DPP6: variants seen among roughly 807,000 people sequenced by gnomAD.
DPP6 encodes dipeptidyl peptidase like 6, also known as A-type potassium channel modulatory protein DPP6.
A neutral mutation model predicts 122.6 loss-of-function variants in DPP6; 69 were observed. That is an observed-to-expected ratio of 0.56 (90% CI 0.46 to 0.69). DPP6 has a LOEUF of 0.69. DPP6 is among the 30% of genes least tolerant of loss of function. DPP6 has a pLI of 0.00. For missense variants in DPP6, 928 were observed against 1,116.9 expected, an observed-to-expected ratio of 0.83 and a Z score of 2.41; for synonymous variants, 418 against 433.1, an observed-to-expected ratio of 0.97 and a Z score of 0.43.
At chr7:154,885,839 G>A (rs940249911) in intron 22 of DPP6, 95 bp downstream of exon 22, 151 of 1,477,424 alleles carry the variant, frequency 1.0e-4, no homozygotes, top group Middle Eastern at 2.2e-4. Flanking sequence ...CAGCACCACC[G>A]TCCCGCTAAC....
intron 1 of DPP6, among the ~76,000 whole-genome samples, chr7:154,138,361 T>A (rs1795682985): frequency 6.6e-6 from 1 of 152,232 alleles, no homozygotes; most frequent in African/African-American, 2.4e-5. Context: ...TTGAAGATGC[T>A]TTCTGGGATG....
chr7:154,311,843 T>C (rs1405045447), intron 1 of DPP6, among the ~76,000 whole-genome samples: 2 of 152,204 alleles, frequency 1.3e-5, no homozygotes, highest in African/African-American at 4.8e-5. Context: ...TCCATGTGCT[T>C]TTCCACCTGG....
the DPP6 span, among the ~76,000 whole-genome samples, chr7:153,875,950 AAG>A: frequency 6.6e-6 from 1 of 151,728 alleles, no homozygotes; most frequent in Non-Finnish European, 1.5e-5. Flanking sequence ...CCCTGAAAAA[AAG>A]AGAGTAAGTT....
chr7:154,066,807 T>C (rs1802763428), intron 1 of DPP6, among the ~76,000 whole-genome samples: 1 of 152,142 alleles, frequency 6.6e-6, no homozygotes, highest in South Asian at 2.1e-4. Context: ...GATACAGAAA[T>C]GCTTTTGAGT....
At chr7:154,430,838 G>A (rs1476600474) in intron 1 of DPP6, among the ~76,000 whole-genome samples, 1 of 148,848 alleles carries the variant, frequency 6.7e-6, no homozygotes, top group Admixed American at 6.6e-5. Flanking sequence ...ATGGATGGAA[G>A]CTCAGCTGGC....
At chr7:154,641,694 T>C (rs909294690) in intron 6 of DPP6, among the ~76,000 whole-genome samples, 2 of 152,218 alleles carry the variant, frequency 1.3e-5, no homozygotes, top group Admixed American at 6.5e-5. Context: ...TTCTAAAATG[T>C]AGTCTCATAT....
intron 1 of DPP6, among the ~76,000 whole-genome samples, chr7:154,114,586 T>C (rs1806842226): frequency 6.6e-6 from 1 of 152,190 alleles, no homozygotes; most frequent in African/African-American, 2.4e-5. Context: ...TTAACTGCAT[T>C]GTCTCATGCC....
chr7:154,030,449 C>T (rs1256754413), intron 1 of DPP6, among the ~76,000 whole-genome samples: 1 of 152,074 alleles, frequency 6.6e-6, no homozygotes, highest in Non-Finnish European at 1.5e-5. Context: ...GATTAGGAGG[C>T]CCTCCCAGAG....
At chr7:153,779,243 G>C in the DPP6 span, among the ~76,000 whole-genome samples, 1 of 146,692 alleles carries the variant, frequency 6.8e-6, no homozygotes, top group Non-Finnish European at 1.5e-5. Flanking sequence ...GAAAATTCAA[G>C]ATAAGCATGA....
intron 3 of DPP6, among the ~76,000 whole-genome samples, chr7:154,503,498 G>T (rs986140396): frequency 1.3e-5 from 2 of 152,120 alleles, no homozygotes; most frequent in Non-Finnish European, 2.9e-5. Context: ...AAAGCACTCT[G>T]GGAACACACA....
chr7:154,327,584 T>TA (rs1047192333), intron 1 of DPP6, among the ~76,000 whole-genome samples: 4 of 152,068 alleles, frequency 2.6e-5, no homozygotes, highest in Non-Finnish European at 5.9e-5. Flanking sequence ...AAAATGAAGG[T>TA]AAAAAAATAA....
chr7:154,582,229 G>A (rs1256806573), intron 5 of DPP6, among the ~76,000 whole-genome samples: 1 of 152,224 alleles, frequency 6.6e-6, no homozygotes, highest in African/African-American at 2.4e-5. Flanking sequence ...GAAACAGAAA[G>A]TCAGCTGAAG....
intron 1 of DPP6, among the ~76,000 whole-genome samples, chr7:154,225,469 C>T (rs1224655073): frequency 1.3e-5 from 2 of 152,054 alleles, no homozygotes; most frequent in Non-Finnish European, 2.9e-5. Flanking sequence ...TATCCAGGTT[C>T]GTTTTGGCTT....
At chr7:154,489,709 G>T (rs1824107907) in intron 3 of DPP6, among the ~76,000 whole-genome samples, 1 of 151,724 alleles carries the variant, frequency 6.6e-6, no homozygotes, top group South Asian at 2.1e-4. Flanking sequence ...AATATTTTGG[G>T]ATCCTCTGAA....
intron 10 of DPP6, among the ~76,000 whole-genome samples, chr7:154,789,879 C>T (rs138606171): frequency 2.3e-3 from 349 of 152,280 alleles, no homozygotes; most frequent in African/African-American, 7.8e-3. Context: ...CCTCGTACAC[C>T]GACTTGATTT....
At chr7:154,063,051 C>G (rs1270562222) in intron 1 of DPP6, among the ~76,000 whole-genome samples, 1 of 134,796 alleles carries the variant, frequency 7.4e-6, no homozygotes, top group Non-Finnish European at 1.6e-5. Context: ...GGAGGCACCC[C>G]CCACGAGAGT....
intron 6 of DPP6, among the ~76,000 whole-genome samples, chr7:154,667,964 G>T (rs11243355): frequency 0.63 from 95,287 of 150,504 alleles, 31,777 homozygotes; most frequent in South Asian, 0.82. Flanking sequence ...TCCCCCATCT[G>T]TCTTTACTCT....
chr7:154,171,887 C>T (rs1028763477), intron 1 of DPP6, among the ~76,000 whole-genome samples: 1 of 152,132 alleles, frequency 6.6e-6, no homozygotes, highest in Admixed American at 6.5e-5. Flanking sequence ...ATTGCAGAGT[C>T]TCCAAGATGG....
At chr7:153,775,518 G>A in the DPP6 span, among the ~76,000 whole-genome samples, 3 of 151,662 alleles carry the variant, frequency 2.0e-5, no homozygotes, top group East Asian at 1.9e-4. Flanking sequence ...TCCTAGTTAC[G>A]AAAATTATTT....
Sources: gnomAD v4.1 joint callset for allele counts (sites outside exome capture counted in the v4.1 genomes callset) on GRCh38, gnomAD v4.1.1 for gene constraint, MANE v1.5 for transcripts, NCBI Gene and HGNC (gene_info 2026-07-23, HGNC 2026-07-21) for gene names.